ZMYND8: variants seen among roughly 807,000 people sequenced by gnomAD.
ZMYND8 encodes the protein MYND-type zinc finger-containing chromatin reader ZMYND8.
ZMYND8 carries 37 observed loss-of-function variants against 140.8 expected under a neutral mutation model. That is an observed-to-expected ratio of 0.26 (90% CI 0.20 to 0.35). The LOEUF (loss-of-function observed/expected upper bound fraction) is 0.35, where lower values mean the gene tolerates loss of function less well. ZMYND8 is among the 10% of genes least tolerant of loss of function. ZMYND8 has a pLI of 1.00. For synonymous variants in ZMYND8, 592 were observed against 597.1 expected (o/e 0.99, Z 0.12); for missense variants, 1,068 against 1,570.0 (o/e 0.68, Z 5.40).
chr20:47,269,259 C>A (rs993863468), intron 11 of ZMYND8, among the ~76,000 whole-genome samples: 1 of 152,036 alleles, frequency 6.6e-6, no homozygotes, highest in African/African-American at 2.4e-5. Flanking sequence ...ACAAAAAAAT[C>A]CAAGTCAATA....
In ZMYND8 at chr20:47,298,286, C is replaced by T; in HGVS notation, c.453+443G>A. On this transcript the variant is annotated intron_variant, in intron 4 of 22. Transcript: ENST00000471951. The surrounding 1 kb of genome is among the most constrained non-coding windows in gnomAD (Gnocchi z 5.0). ...TTGCACAAAAGAAAGCACCAGACGGCCACTACAGGGAACATGCAACCAAAC... is the reference window on the plus strand; with the variant it reads ...TTGCACAAAAGAAAGCACCAGACGGTCACTACAGGGAACATGCAACCAAAC... The T allele has an allele frequency of 2.0e-6, 2 of 985,410 alleles. No individual in the cohort carries two copies. Among genetic ancestry groups the T allele is most frequent in the Non-Finnish European group, 1.2e-6 (1 of 829,940 alleles). 61.0% of individuals were successfully genotyped at this position (985,410 alleles called of 1,614,324 possible).
At chr20:47,249,469 T>C (rs757523518) in intron 12 of ZMYND8, 30 bp from the exon 13 acceptor site, 2 of 1,611,106 alleles carry the variant, frequency 1.2e-6, no homozygotes, top group Non-Finnish European at 1.7e-6. Context: ...CCTCGTAAGA[T>C]CAGGCACACA....
intron 8 of ZMYND8, chr20:47,285,943 C>T (rs775427701): frequency 3.5e-5 from 24 of 682,618 alleles, no homozygotes; most frequent in African/African-American, 5.9e-5. Context: ...ATATTCCCAG[C>T]GTCTTTGGAG....
Position 47,212,664 on chromosome 20 carries a change from G to C in ZMYND8, c.3546C>G (p.His1182Gln). The C allele has an allele frequency of 6.2e-7, 1 of 1,613,984 alleles. No individual in the cohort carries two copies. Among genetic ancestry groups the C allele is most frequent in the Non-Finnish European group, 8.5e-7 (1 of 1,179,910 alleles). The change falls in exon 22 of 23, where the codon CAC becomes CAG. Residue 1182 changes from histidine to glutamine, a missense_variant. His to Gln is a conservative substitution (Grantham distance 24). This residue lies in a region of ZMYND8 where 180 missense variants were observed against 187.8 expected (regional missense o/e 0.96). Transcript: ENST00000471951. ...YAPTTTDHQPHPNYPAQKYHS... is the reference protein window; with the variant it reads ...YAPTTTDHQPQPNYPAQKYHS... ...TACACTTCTGGGCGGGGTAGTTGGG[G>C]TGCGGCTGGTGGTCTGTGGTGGTTG...
At position 47,314,405 on chromosome 20, in the gene ZMYND8, G is replaced by A. The variant is rs182171648; in HGVS notation, c.86-4201C>T. On this transcript the variant is annotated intron_variant, in intron 2 of 22. Transcript: ENST00000471951. ...TCCCAACTACTAGGGAGGCTGAAGC[G>A]GGAGAATCACTTGGCGCCAGGAGGC... Among the ~76,000 whole-genome samples, 16 of 151,824 alleles carry A rather than the reference G, an allele frequency of 1.1e-4. No individual in the cohort carries two copies. In the South Asian group the frequency reaches 1.5e-3, roughly 14 times the overall value.
At chr20:47,304,376 C>T (rs774690480) in intron 3 of ZMYND8, among the ~76,000 whole-genome samples, 13 of 152,338 alleles carry the variant, frequency 8.5e-5, no homozygotes, top group Non-Finnish European at 1.3e-4. Flanking sequence ...AGGCCTCTAT[C>T]GCAAATACTC....
Position 47,268,418 on chromosome 20 carries a change from C to T in ZMYND8, c.1481-5990G>A, listed in dbSNP as rs561115066. On this transcript the variant is annotated intron_variant, in intron 11 of 22. Transcript: ENST00000471951. ...ACGCCATTCTCCTGCCTCAGCCTCC[C>T]GAGTAGCTGGGATTACAGGCGCCCG... 1.7e-3 allele frequency among the ~76,000 whole-genome samples: 259 copies of T among 151,414 alleles called. 1 individual carries two copies. Among genetic ancestry groups the T allele is most frequent in the Middle Eastern group, 3.4e-3 (1 of 292 alleles).
At chr20:47,269,494 G>A (rs2075778482) in intron 11 of ZMYND8, among the ~76,000 whole-genome samples, 1 of 152,192 alleles carries the variant, frequency 6.6e-6, no homozygotes, top group African/African-American at 2.4e-5. Context: ...CTTTTATAAA[G>A]CCATACATTT....
intron 8 of ZMYND8, chr20:47,285,617 C>T (rs2076873602): frequency 1.1e-6 from 1 of 906,494 alleles, no homozygotes; most frequent in Non-Finnish European, 1.3e-6. Context: ...GAACATCTGA[C>T]ATGTTCACAG....
chr20:47,315,080 T>C (rs1226092120), intron 2 of ZMYND8, among the ~76,000 whole-genome samples: 3 of 152,098 alleles, frequency 2.0e-5, no homozygotes, highest in Non-Finnish European at 4.4e-5. Context: ...TAAAAGTCCC[T>C]CTTCAACATT....
At chr20:47,306,692 T>C (rs2078512722) in intron 3 of ZMYND8, among the ~76,000 whole-genome samples, 1 of 151,102 alleles carries the variant, frequency 6.6e-6, no homozygotes, top group African/African-American at 2.4e-5. Flanking sequence ...TGCCTCAACC[T>C]CCCAAGTAGC....
At chr20:47,314,374 C>T (rs1008890922) in intron 2 of ZMYND8, among the ~76,000 whole-genome samples, 14 of 152,106 alleles carry the variant, frequency 9.2e-5, no homozygotes, top group African/African-American at 2.4e-4. Flanking sequence ...TGGTACGCTC[C>T]AGTAGTCCCA....
intron 12 of ZMYND8, among the ~76,000 whole-genome samples, chr20:47,250,044 A>G (rs2074042621): frequency 6.6e-6 from 1 of 152,186 alleles, no homozygotes; most frequent in Admixed American, 6.5e-5. Flanking sequence ...CACAGCATCT[A>G]TGTGAGGCAA....
intron 21 of ZMYND8, among the ~76,000 whole-genome samples, chr20:47,214,049 T>C (rs2035695443): frequency 7.6e-6 from 1 of 131,222 alleles, no homozygotes; most frequent in Non-Finnish European, 1.8e-5. Flanking sequence ...ACTAAAATTC[T>C]CTCTCTTCCA....
intron 14 of ZMYND8, among the ~76,000 whole-genome samples, chr20:47,241,887 G>A (rs555134353): frequency 4.6e-4 from 68 of 148,516 alleles, no homozygotes; most frequent in African/African-American, 1.6e-3. Flanking sequence ...GCGCGATCTC[G>A]GCTCACTGCA....
chr20:47,271,557 A>G (rs751471971), intron 11 of ZMYND8, among the ~76,000 whole-genome samples: 1 of 152,208 alleles, frequency 6.6e-6, no homozygotes, highest in Non-Finnish European at 1.5e-5. Flanking sequence ...ACTCACTGCC[A>G]TATCTGCCTG....
At chr20:47,250,353 T>C (rs1271225020) in intron 12 of ZMYND8, among the ~76,000 whole-genome samples, 2 of 152,294 alleles carry the variant, frequency 1.3e-5, no homozygotes, top group Non-Finnish European at 2.9e-5. Context: ...TGGGGCCTAC[T>C]GTCCTCCACT....
intron 11 of ZMYND8, among the ~76,000 whole-genome samples, chr20:47,266,806 C>T (rs1357465018): frequency 6.6e-6 from 1 of 152,018 alleles, no homozygotes; most frequent in Admixed American, 6.6e-5. Flanking sequence ...CTTTTATGTA[C>T]AAAGCACTCT....
At chr20:47,249,484 C>A (rs1308758284) in intron 12 of ZMYND8, 45 bp from the exon 13 acceptor site, 1 of 1,591,808 alleles carries the variant, frequency 6.3e-7, no homozygotes, top group Admixed American at 1.7e-5. Flanking sequence ...CACACACCAT[C>A]CTCATCACGG....
Sources: gnomAD v4.1 joint callset for allele counts (sites outside exome capture counted in the v4.1 genomes callset) on GRCh38, gnomAD v4.1.1 for gene constraint, gnomAD v4.1.1 regional missense constraint, Gnocchi (gnomAD v3.1) non-coding constraint, MANE v1.5 for transcripts, NCBI Gene and HGNC (gene_info 2026-07-23, HGNC 2026-07-21) for gene names.